The following ANKHD1 variants were observed in gnomAD, a reference collection of about 807,000 sequenced individuals.
ANKHD1 encodes ankyrin repeat and KH domain containing 1.
Under a neutral mutation model 230.5 loss-of-function variants are expected in ANKHD1, and 31 were observed. The observed-to-expected ratio is 0.13, with a 90% CI of 0.10 to 0.18. ANKHD1 has a LOEUF of 0.18. Ranked by LOEUF, ANKHD1 falls within the 10% of genes least tolerant of loss-of-function variation. The probability of loss-of-function intolerance (pLI) is 1.00; values close to 1 mark genes in which losing one functional copy is unlikely to be tolerated. For missense variants in ANKHD1, 2,256 were observed against 3,071.3 expected, an observed-to-expected ratio of 0.73 and a Z score of 6.27; for synonymous variants, 1,074 against 1,117.6, an observed-to-expected ratio of 0.96 and a Z score of 0.78.
intron 29 of ANKHD1, among the ~76,000 whole-genome samples, chr5:140,534,347 G>C (rs1056630674): frequency 4.0e-5 from 6 of 151,286 alleles, no homozygotes; most frequent in Admixed American, 1.3e-4. Context: ...AGCTGAGATC[G>C]TGCCACTGCA....
chr5:140,495,843 T>C (rs954209243), intron 14 of ANKHD1, among the ~76,000 whole-genome samples: 1 of 152,194 alleles, frequency 6.6e-6, no homozygotes, highest in African/African-American at 2.4e-5. Flanking sequence ...CTTGAAGTGT[T>C]CATTTAAATG....
chr5:140,496,895 C>T lies in ANKHD1; in HGVS notation c.2621C>T (p.Ser874Phe). The part of the protein sequence containing the change: ...KDTVSLHQQC[S>F]HRGVFPEGEG... Reference sequence around the variant, plus strand: ...ACAGTGTCTCTACACCAACAGTGCTCTCATAGAGGAGTCTTCCCAGAAGGG... The same window carrying T: ...ACAGTGTCTCTACACCAACAGTGCTTTCATAGAGGAGTCTTCCCAGAAGGG... Residue 874 changes from serine to phenylalanine, a missense_variant, in exon 15 of 34, where the codon TCT becomes TTT. By Grantham distance (155) the Ser-to-Phe change is radical (BLOSUM62 -2). Coordinates refer to ENST00000360839, the MANE Select transcript of ANKHD1 (RefSeq NM_017747.3). The T allele has an allele frequency of 1.2e-6, 2 of 1,614,196 alleles. No homozygotes were observed. The highest frequency in any genetic ancestry group is 8.5e-7 in the Non-Finnish European group (1 of 1,180,044).
At position 140,482,618 on chromosome 5, in the gene ANKHD1, A is replaced by G; in HGVS notation, c.1821A>G (p.Lys607=). The change falls in exon 11 of 34, where the codon AAA becomes AAG. Residue 607 remains lysine, a synonymous_variant. Coordinates refer to ENST00000360839, the MANE Select transcript of ANKHD1 (RefSeq NM_017747.3). The part of the protein sequence containing the change: ...ESEGGRTPLM[K]AARAGHLCTV... ...AAGGTGGAAGAACACCTTTGATGAAAGCTGCAAGAGCTGGTCATTTGTGCA... is the reference window on the plus strand; with the variant it reads ...AAGGTGGAAGAACACCTTTGATGAAGGCTGCAAGAGCTGGTCATTTGTGCA... The G allele has an allele frequency of 6.2e-7, 1 of 1,613,094 alleles. No individual in the cohort carries two copies. Among genetic ancestry groups the G allele is most frequent in the African/African-American group, 1.3e-5 (1 of 74,986 alleles).
rs1751450468 is a variant in ANKHD1 at position 140,485,298 on chromosome 5, T to C, written c.1998+50T>C. On this transcript the variant is annotated intron_variant, in intron 12 of 33. Transcript: ENST00000360839. The surrounding 1 kb of genome is among the most constrained non-coding windows in gnomAD (Gnocchi z 4.8). ...CAGGCTGTGTGCGGTGGCTCATGTC[T>C]ATGATCCCAGCACTTTAGAAAGCTG... 6.4e-7 allele frequency: 1 copy of C among 1,574,538 alleles called. No homozygotes were observed. Among genetic ancestry groups the C allele is most frequent in the Non-Finnish European group, 8.7e-7 (1 of 1,155,286 alleles).
In ANKHD1 at chr5:140,459,304, G is replaced by A; in HGVS notation, c.1621G>A (p.Glu541Lys). The A allele has an allele frequency of 6.3e-7, 1 of 1,589,926 alleles. No homozygotes were observed. The highest frequency in any genetic ancestry group is 8.6e-7 in the Non-Finnish European group (1 of 1,163,756). Residue 541 changes from glutamate (E) to lysine (K), a missense_variant, in exon 9 of 34, where the codon GAG (glutamate) becomes AAG (lysine). Glu to Lys is a moderately conservative substitution (Grantham distance 56). This residue lies in a region of ANKHD1 where 179 missense variants were observed against 261.8 expected (regional missense o/e 0.68). Transcript: ENST00000360839. The part of the protein sequence containing the change: ...IELGCSTPLM[E>K]ASQEGHLELV... Reference sequence around the variant, plus strand: ...ACTTGGCTGCTCCACACCTCTGATGGAGGCATCTCAGGAGGGACACCTGGA... The same window carrying A: ...ACTTGGCTGCTCCACACCTCTGATGAAGGCATCTCAGGAGGGACACCTGGA...
chr5:140,457,869 A>C (rs777251128), intron 7 of ANKHD1, among the ~76,000 whole-genome samples: 1 of 152,118 alleles, frequency 6.6e-6, no homozygotes, highest in African/African-American at 2.4e-5. Context: ...AAAGACCTAC[A>C]TAAATTTTGA....
chr5:140,474,289 A>G (rs937281806), intron 10 of ANKHD1, among the ~76,000 whole-genome samples: 1 of 152,130 alleles, frequency 6.6e-6, no homozygotes, highest in Non-Finnish European at 1.5e-5. Flanking sequence ...CATACTCCCC[A>G]TGGAAGAGTA....
intron 29 of ANKHD1, among the ~76,000 whole-genome samples, chr5:140,534,852 T>TATTTTCTATC (rs1754001292): frequency 6.6e-6 from 1 of 152,232 alleles, no homozygotes; most frequent in Admixed American, 6.5e-5. Context: ...TTCTATCAGA[T>TATTTTCTATC]AGAATACTGA....
intron 25 of ANKHD1, among the ~76,000 whole-genome samples, chr5:140,525,449 G>C (rs1410190827): frequency 6.6e-6 from 1 of 152,066 alleles, no homozygotes; most frequent in East Asian, 2.0e-4. Context: ...TTTTTGTAGA[G>C]ACAAGATTTC....
In ANKHD1 at chr5:140,483,063, G is replaced by T. The variant is rs182616325; in HGVS notation, c.1870+396G>T. ...AGTTGAATTAACTGAGTTTGTAAGG[G>T]TCTTATTTATAATTTTTATATGTCT... On this transcript the variant is annotated intron_variant, in intron 11 of 33. Transcript: ENST00000360839. Among the ~76,000 whole-genome samples, 23 of 152,050 alleles carry T rather than the reference G, an allele frequency of 1.5e-4. No individual in the cohort carries two copies. In the East Asian group the frequency reaches 3.7e-3, roughly 24 times the overall value.
At chr5:140,476,773 G>A (rs943164589) in intron 10 of ANKHD1, among the ~76,000 whole-genome samples, 4 of 152,070 alleles carry the variant, frequency 2.6e-5, no homozygotes, top group African/African-American at 9.7e-5. Flanking sequence ...CAAAGAAATT[G>A]ATAAAACATA....
At chr5:140,444,344 G>A (rs147437992) in intron 5 of ANKHD1, among the ~76,000 whole-genome samples, 260 of 152,174 alleles carry the variant, frequency 1.7e-3, no homozygotes, top group African/African-American at 6.1e-3. Context: ...AGTCAAGTTC[G>A]TATTTTAATT....
chr5:140,511,157 T>G (rs1423532288), intron 22 of ANKHD1, among the ~76,000 whole-genome samples: 1 of 152,146 alleles, frequency 6.6e-6, no homozygotes, highest in African/African-American at 2.4e-5. Context: ...CTCATATATA[T>G]TAAAGTTCAC....
chr5:140,538,402 CAG>C (rs1430149589), intron 32 of ANKHD1, 141 bp downstream of exon 32: 2 of 1,383,874 alleles, frequency 1.4e-6, no homozygotes, highest in African/African-American at 2.9e-5. Context: ...CAGGAGTGCA[CAG>C]AGTTGTCCAC....
At chr5:140,503,954 A>G (rs146091693) in intron 15 of ANKHD1, among the ~76,000 whole-genome samples, 149 of 152,272 alleles carry the variant, frequency 9.8e-4, no homozygotes, top group African/African-American at 3.5e-3. Context: ...GGACTTTCAG[A>G]TACTGATTTT....
intron 10 of ANKHD1, among the ~76,000 whole-genome samples, chr5:140,474,768 T>A (rs1001004986): frequency 6.6e-5 from 10 of 151,892 alleles, no homozygotes; most frequent in African/African-American, 2.4e-4. Context: ...GGCTAATTTT[T>A]AAATTTTTTT....
intron 10 of ANKHD1, among the ~76,000 whole-genome samples, chr5:140,468,620 A>T (rs887697044): frequency 2.6e-5 from 4 of 152,208 alleles, no homozygotes; most frequent in Non-Finnish European, 2.9e-5. Context: ...AAGATTTTTT[A>T]AAAAATTTAA....
chr5:140,446,655 C>T (rs1351583537), intron 6 of ANKHD1, among the ~76,000 whole-genome samples: 2 of 152,122 alleles, frequency 1.3e-5, no homozygotes, highest in Non-Finnish European at 1.5e-5. Context: ...CAGGCGTGAG[C>T]CAGCACACCC....
chr5:140,532,786 C>A, intron 29 of ANKHD1: 2 of 428,150 alleles, frequency 4.7e-6, no homozygotes, highest in South Asian at 3.3e-5. Context: ...CATTTAGGTC[C>A]CCAAAATGCA....
Sources: allele counts gnomAD v4.1 joint callset (sites outside exome capture counted in the v4.1 genomes callset), GRCh38; gene constraint gnomAD v4.1.1; regional missense constraint gnomAD v4.1.1; non-coding constraint Gnocchi (gnomAD v3.1); transcripts MANE v1.5; gene names NCBI Gene and HGNC (gene_info 2026-07-23, HGNC 2026-07-21).